CALHM1: variants seen among roughly 807,000 people sequenced by gnomAD.
CALHM1 encodes calcium homeostasis modulator 1, also known as calcium homeostasis modulator protein 1.
In CALHM1, 11 loss-of-function variants were observed where a neutral mutation model predicts 14.8. The ratio of observed to expected loss-of-function variants is 0.74; its 90% CI spans 0.47 to 1.23. The LOEUF (loss-of-function observed/expected upper bound fraction) is 1.23, where lower values mean the gene tolerates loss of function less well. Among genes scored for constraint, CALHM1 ranks in the 50% most tolerant of loss-of-function variants. CALHM1 has a pLI of 0.00. For missense variants in CALHM1, 458 were observed against 496.4 expected (o/e 0.92, Z 0.74); for synonymous variants, 215 against 218.9 (o/e 0.98, Z 0.16).
At position 103,454,330 on chromosome 10, in the gene CALHM1, C is replaced by T. The variant is rs1222927871; in HGVS notation, c.*932G>A. 6.6e-6 allele frequency: 1 copy of T among 152,302 alleles called. No individual in the cohort carries two copies. The highest frequency in any genetic ancestry group is 1.5e-5 in the Non-Finnish European group (1 of 68,104). The allele number at this position is 152,302 out of a possible 1,614,324, so 9.4% of individuals were successfully genotyped here. A position where few individuals can be genotyped will look rare whatever the true frequency, so the allele number is the denominator to read the frequency against. ...CCATTTGACCCAGTTCTGTCTCACT[C>T]TGGAATCTGAGCTGCTTTCTCTTTA... On this transcript the variant is annotated 3_prime_UTR_variant, in exon 2 of 2. Coordinates refer to ENST00000329905, the MANE Select transcript of CALHM1 (RefSeq NM_001001412.4).
Position 103,453,408 on chromosome 10 carries a change from A to ATTG in CALHM1, c.*1853_*1854insCAA, listed in dbSNP as rs1554884191. 6.9e-6 allele frequency: 1 copy of ATTG among 145,968 alleles called. No homozygotes were observed. Among genetic ancestry groups the ATTG allele is most frequent in the Non-Finnish European group, 1.5e-5 (1 of 66,472 alleles). 9.0% of individuals were successfully genotyped at this position (145,968 alleles called of 1,614,324 possible). ...TAAAAAAATTATAAATCTTCTCTTTATTCTTCTTCTTCTTCTTATTATTAT... is the reference window on the plus strand; with the variant it reads ...TAAAAAAATTATAAATCTTCTCTTTATTGTTCTTCTTCTTCTTCTTATTATTAT... On this transcript the variant is annotated 3_prime_UTR_variant, in exon 2 of 2. Transcript: ENST00000329905.
intron 1 of CALHM1, among the ~76,000 whole-genome samples, chr10:103,456,681 C>T (rs1427247755): frequency 6.6e-6 from 1 of 152,202 alleles, no homozygotes; most frequent in African/African-American, 2.4e-5. Flanking sequence ...GCTGGGGGCA[C>T]CCCAGCCTGT....
chr10:103,457,372 A>G (rs2133824104), intron 1 of CALHM1, among the ~76,000 whole-genome samples: 1 of 152,330 alleles, frequency 6.6e-6, no homozygotes, highest in South Asian at 2.1e-4. Context: ...ACATTCACCA[A>G]GGTCATCTGG....
Position 103,454,952 on chromosome 10 carries a change from C to T in CALHM1, c.*310G>A, listed in dbSNP as rs909654496. ...CTGGGAGGAGACAGTGAACATCAGC[C>T]TGGGAAGGGCTGGGCAGAGGGGAGC... is the stretch of plus-strand genomic sequence containing the variant. On this transcript the variant is annotated 3_prime_UTR_variant, in exon 2 of 2. Coordinates refer to ENST00000329905, the MANE Select transcript of CALHM1 (RefSeq NM_001001412.4). The T allele has an allele frequency of 7.5e-6, 3 of 399,432 alleles. No homozygotes were observed. Among genetic ancestry groups the T allele is most frequent in the African/African-American group, 4.1e-5 (2 of 49,174 alleles). 24.7% of individuals were successfully genotyped at this position (399,432 alleles called of 1,614,324 possible).
rs1169326979 is a variant in CALHM1 at position 103,454,514 on chromosome 10, C to A, written c.*748G>T. On this transcript the variant is annotated 3_prime_UTR_variant, in exon 2 of 2. Transcript: ENST00000329905. ...AAGCCTTGGGGATGGTCTGATTTCC[C>A]CTGGAGACCTGGATGTGACGGGGGT... The A allele has an allele frequency of 6.6e-6, 1 of 152,214 alleles. No homozygotes were observed. Among genetic ancestry groups the A allele is most frequent in the African/African-American group, 2.4e-5 (1 of 41,460 alleles). The allele number at this position is 152,214 out of a possible 1,614,324, so 9.4% of individuals were successfully genotyped here.
Position 103,454,381 on chromosome 10 carries a change from A to G in CALHM1, c.*881T>C, listed in dbSNP as rs1479787416. The G allele has an allele frequency of 6.6e-6, 1 of 152,142 alleles. No individual in the cohort carries two copies. Among genetic ancestry groups the G allele is most frequent in the East Asian group, 1.9e-4 (1 of 5,192 alleles). 9.4% of individuals were successfully genotyped at this position (152,142 alleles called of 1,614,324 possible). A position where few individuals can be genotyped will look rare whatever the true frequency, so the allele number is the denominator to read the frequency against. Reference sequence around the variant, plus strand: ...CACTGCTCTCCTCCACCCTCATCCCACCTGGGCTAGAGCCTTGGAGCTCCT... The same window carrying G: ...CACTGCTCTCCTCCACCCTCATCCCGCCTGGGCTAGAGCCTTGGAGCTCCT... On this transcript the variant is annotated 3_prime_UTR_variant, in exon 2 of 2. Coordinates refer to ENST00000329905, the MANE Select transcript of CALHM1 (RefSeq NM_001001412.4).
At chr10:103,455,774 G>A in intron 1 of CALHM1, 27 bp from the exon 2 acceptor site, 2 of 1,601,596 alleles carry the variant, frequency 1.2e-6, no homozygotes, top group Non-Finnish European at 1.7e-6. Context: ...GAGAGTCACG[G>A]GGCACTGTCC....
At position 103,458,186 on chromosome 10, in the gene CALHM1, C is replaced by A. The variant is rs564554721; in HGVS notation, c.555+11G>T. On this transcript the variant is annotated intron_variant, in intron 1 of 1. Coordinates refer to ENST00000329905, the MANE Select transcript of CALHM1 (RefSeq NM_001001412.4). The surrounding 1 kb of genome is among the most constrained non-coding windows in gnomAD (Gnocchi z 4.9). Reference sequence around the variant, plus strand: ...CAGGGAGACCCAGCGTGAAGCCATGCGGCCCCTCACCTGGGAGATGCAGCG... The same window carrying A: ...CAGGGAGACCCAGCGTGAAGCCATGAGGCCCCTCACCTGGGAGATGCAGCG... 1.9e-6 allele frequency: 3 copies of A among 1,611,396 alleles called. No homozygotes were observed. Among genetic ancestry groups the A allele is most frequent in the South Asian group, 2.2e-5 (2 of 91,036 alleles).
Position 103,458,650 on chromosome 10 carries a change from C to T in CALHM1, c.102G>A (p.Met34Ile), listed in dbSNP as rs1453733117. 3 of 1,614,042 alleles carry T rather than the reference C, an allele frequency of 1.9e-6. No homozygotes were observed. Among genetic ancestry groups the T allele is most frequent in the South Asian group, 2.2e-5 (2 of 91,086 alleles). The change falls in exon 1 of 2, where the codon ATG becomes ATA. Residue 34 changes from methionine (M) to isoleucine (I), a missense_variant. Met to Ile is a conservative substitution (Grantham distance 10). Coordinates refer to ENST00000329905, the MANE Select transcript of CALHM1 (RefSeq NM_001001412.4). The surrounding 1 kb of genome is among the most constrained non-coding windows in gnomAD (Gnocchi z 4.9). ...GGCAGTTGAAGTCGAAGGCCGAGTA[C>T]ATCTGGGCACTGGCCAGGGCCATGA... ...CGIMALASAQ[M>I]YSAFDFNCPC...
intron 1 of CALHM1, among the ~76,000 whole-genome samples, chr10:103,456,810 G>A (rs939887327): frequency 2.6e-5 from 4 of 152,192 alleles, no homozygotes; most frequent in African/African-American, 9.6e-5. Flanking sequence ...TTTGTTTTGA[G>A]ACAGGTCTTA....
rs2033144715 is a variant in CALHM1 at position 103,455,891 on chromosome 10, C to T, written c.556-144G>A. The stretch of plus-strand genomic sequence containing the variant: ...GAGCTTGCCTCTTGGCCTCCATTTC[C>T]TCATCTGTAAAATGGGCATAGAAAT... On this transcript the variant is annotated intron_variant, in intron 1 of 1. Coordinates refer to ENST00000329905, the MANE Select transcript of CALHM1 (RefSeq NM_001001412.4). 4.1e-6 allele frequency: 4 copies of T among 978,096 alleles called. No homozygotes were observed. The African/African-American group carries it at 4.9e-5, about 12-fold the overall frequency. 60.6% of individuals were successfully genotyped at this position (978,096 alleles called of 1,614,324 possible).
chr10:103,458,057 C>G lies in CALHM1; in HGVS notation c.555+140G>C. 4 of 1,020,788 alleles carry G rather than the reference C, an allele frequency of 3.9e-6. No homozygotes were observed. In the South Asian group the frequency reaches 4.7e-5, roughly 12 times the overall value. The allele number at this position is 1,020,788 out of a possible 1,614,324, so 63.2% of individuals were successfully genotyped here. ...GGCAGATGCGTGGCTCTGCCTTCAG[C>G]CTCAGTTGGGAAGATGCCCCCCACA... On this transcript the variant is annotated intron_variant, in intron 1 of 1. Transcript: ENST00000329905. The surrounding 1 kb of genome is among the most constrained non-coding windows in gnomAD (Gnocchi z 4.9).
rs1280571634 is a variant in CALHM1, at chr10:103,455,628, G to A, written c.675C>T (p.Asp225=). The A allele has an allele frequency of 1.2e-6, 2 of 1,613,754 alleles. No homozygotes were observed. Among genetic ancestry groups the A allele is most frequent in the Admixed American group, 1.7e-5 (1 of 60,012 alleles). The part of the protein sequence containing the change: ...LKSKYWSHYI[D]IERKLFDETC... Reference sequence around the variant, plus strand: ...TCTCGTCGAAGAGCTTGCGCTCGATGTCGATATAGTGGGACCAGTACTTGC... The same window carrying A: ...TCTCGTCGAAGAGCTTGCGCTCGATATCGATATAGTGGGACCAGTACTTGC... Residue 225 remains aspartate (D), a synonymous_variant, in exon 2 of 2, where the codon GAC becomes GAT. Coordinates refer to ENST00000329905, the MANE Select transcript of CALHM1 (RefSeq NM_001001412.4).
rs1344216332 is a variant in CALHM1 at position 103,454,950 on chromosome 10, G to A, written c.*312C>T. 1.0e-5 allele frequency: 4 copies of A among 396,754 alleles called. No individual in the cohort carries two copies. Among genetic ancestry groups the A allele is most frequent in the African/African-American group, 8.1e-5 (4 of 49,110 alleles). 24.6% of individuals were successfully genotyped at this position (396,754 alleles called of 1,614,324 possible). A position where few individuals can be genotyped will look rare whatever the true frequency, so the allele number is the denominator to read the frequency against. On this transcript the variant is annotated 3_prime_UTR_variant, in exon 2 of 2. Coordinates refer to ENST00000329905, the MANE Select transcript of CALHM1 (RefSeq NM_001001412.4). Reference sequence around the variant, plus strand: ...ACCTGGGAGGAGACAGTGAACATCAGCCTGGGAAGGGCTGGGCAGAGGGGA... The same window carrying A: ...ACCTGGGAGGAGACAGTGAACATCAACCTGGGAAGGGCTGGGCAGAGGGGA...
At position 103,458,247 on chromosome 10, in the gene CALHM1, A is replaced by G. The variant is rs1564791739; in HGVS notation, c.505T>C (p.Trp169Arg). 1 of 1,613,104 alleles carries G rather than the reference A, an allele frequency of 6.2e-7. No homozygotes were observed. ...VPCPEIYDGDWLLAREVAVRY... is the reference protein window; with the variant it reads ...VPCPEIYDGDRLLAREVAVRY... ...ACGGCCACCTCTCGGGCCAACAGCC[A>G]GTCGCCATCGTAGATCTCAGGGCAG... The change falls in exon 1 of 2, where the codon TGG becomes CGG. Residue 169 changes from tryptophan (W) to arginine (R), a missense_variant. Coordinates refer to ENST00000329905, the MANE Select transcript of CALHM1 (RefSeq NM_001001412.4). The surrounding 1 kb of genome is among the most constrained non-coding windows in gnomAD (Gnocchi z 4.9).
rs146465393 is a variant in CALHM1, at chr10:103,458,664, C to T, written c.88G>A (p.Ala30Thr). The change falls in exon 1 of 2, where the codon GCC (alanine) becomes ACC (threonine). Residue 30 changes from alanine (A) to threonine (T), a missense_variant. By Grantham distance (58) the Ala-to-Thr change is moderately conservative. Transcript: ENST00000329905. The surrounding 1 kb of genome is among the most constrained non-coding windows in gnomAD (Gnocchi z 4.9). ...MNGICGIMAL[A>T]SAQMYSAFDF... ...AAGGCCGAGTACATCTGGGCACTGG[C>T]CAGGGCCATGATGCCACAGATGCCA... The T allele has an allele frequency of 4.9e-4, 784 of 1,613,944 alleles. No homozygotes were observed. Among genetic ancestry groups the T allele is most frequent in the Admixed American group, 1.2e-3 (70 of 60,010 alleles).
At position 103,454,562 on chromosome 10, in the gene CALHM1, C is replaced by G. The variant is rs2033119353; in HGVS notation, c.*700G>C. On this transcript the variant is annotated 3_prime_UTR_variant, in exon 2 of 2. Transcript: ENST00000329905. The stretch of plus-strand genomic sequence containing the variant: ...GGTATTAAGGTGGTTTTTCAAAGAC[C>G]CCTCTACAGGAGGACTTTTGTGCTT... 1 of 152,182 alleles carries G rather than the reference C, an allele frequency of 6.6e-6. No homozygotes were observed. Among genetic ancestry groups the G allele is most frequent in the African/African-American group, 2.4e-5 (1 of 41,424 alleles). The allele number at this position is 152,182 out of a possible 1,614,324, so 9.4% of individuals were successfully genotyped here.
In CALHM1 at chr10:103,455,729, C is replaced by A. The variant is rs202160393; in HGVS notation, c.574G>T (p.Val192Leu). ...AATGCCAGCAGAGTGGTCAGCAGCA[C>A]GAAGGACCAGCCCAGCGCCTGTGGG... ...CISQALGWSF[V>L]LLTTLLAFVV... The change falls in exon 2 of 2, where the codon GTG (valine) becomes TTG (leucine). Residue 192 changes from valine (V) to leucine (L), a missense_variant. Physicochemically the swap from Val to Leu is conservative, Grantham distance 32 (BLOSUM62 1). Transcript: ENST00000329905. 6.7e-5 allele frequency: 108 copies of A among 1,612,480 alleles called. No homozygotes were observed. The highest frequency in any genetic ancestry group is 2.2e-5 in the Non-Finnish European group (26 of 1,179,690).
chr10:103,457,678 C>T (rs2033166744), intron 1 of CALHM1, among the ~76,000 whole-genome samples: 1 of 152,154 alleles, frequency 6.6e-6, no homozygotes, highest in South Asian at 2.1e-4. Flanking sequence ...GCTGACCCGT[C>T]AGTGGTCTCT....
Sources: gnomAD v4.1 joint callset for allele counts (sites outside exome capture counted in the v4.1 genomes callset) on GRCh38, gnomAD v4.1.1 for gene constraint, Gnocchi (gnomAD v3.1) non-coding constraint, MANE v1.5 for transcripts, NCBI Gene and HGNC (gene_info 2026-07-23, HGNC 2026-07-21) for gene names.